Variants in INSR observed in about 807,000 individuals in gnomAD.
INSR encodes insulin receptor, also known as IR.
A neutral mutation model predicts 142.6 loss-of-function variants in INSR; 67 were observed. The ratio of observed to expected loss-of-function variants is 0.47; its 90% CI spans 0.39 to 0.58. The LOEUF is 0.58. Among genes scored for constraint, INSR ranks in the 20% least tolerant of loss-of-function variants. The pLI, the probability that INSR is intolerant of heterozygous loss-of-function variation, is 0.00. For synonymous variants in INSR, 756 were observed against 743.1 expected (o/e 1.02, Z -0.28); for missense variants, 1,248 against 1,833.2 (o/e 0.68, Z 5.83).
intron 1 of INSR, among the ~76,000 whole-genome samples, chr19:7,277,661 G>A (rs1968100981): frequency 6.6e-6 from 1 of 152,090 alleles, no homozygotes; most frequent in Admixed American, 6.6e-5. Context: ...GCCAGGCGTG[G>A]TGAGGCGCGT....
chr19:7,138,924 T>C (rs1973002528), intron 13 of INSR, among the ~76,000 whole-genome samples: 1 of 152,150 alleles, frequency 6.6e-6, no homozygotes, highest in Non-Finnish European at 1.5e-5. Flanking sequence ...ACTTTCTGTG[T>C]CTATGAGACT....
At chr19:7,234,983 G>T (rs1035681123) in intron 2 of INSR, among the ~76,000 whole-genome samples, 12 of 151,942 alleles carry the variant, frequency 7.9e-5, no homozygotes, top group African/African-American at 2.7e-4. Context: ...GCGTGAACCC[G>T]GGAGGCGGAG....
At chr19:7,220,683 C>CA (rs1975585662) in intron 2 of INSR, among the ~76,000 whole-genome samples, 1 of 152,168 alleles carries the variant, frequency 6.6e-6, no homozygotes, top group Admixed American at 6.6e-5. Flanking sequence ...ATATGTTATG[C>CA]AGTGACCAAG....
chr19:7,113,995 A>G lies in INSR; in HGVS notation c.*3061T>C, dbSNP rs1241749476. On this transcript the variant is annotated 3_prime_UTR_variant, in exon 22 of 22. Transcript: ENST00000302850. ...TATCAAAGCTGCACAAGGTCCAATA[A>G]TATCAGCTTGAGGTCAGTCAAACCC... 6.7e-6 allele frequency: 1 copy of G among 150,260 alleles called. No individual in the cohort carries two copies. The highest frequency in any genetic ancestry group is 1.5e-5 in the Non-Finnish European group (1 of 67,764). 9.3% of individuals were successfully genotyped at this position (150,260 alleles called of 1,614,324 possible). A position where few individuals can be genotyped will look rare whatever the true frequency, so the allele number is the denominator to read the frequency against.
At position 7,150,037 on chromosome 19, in the gene INSR, T is replaced by C. The variant is rs571219112; in HGVS notation, c.2267+460A>G. Among the ~76,000 whole-genome samples the C allele has an allele frequency of 6.6e-6, 1 of 152,038 alleles. No individual in the cohort carries two copies. Among genetic ancestry groups the C allele is most frequent in the Non-Finnish European group, 1.5e-5 (1 of 68,006 alleles). On this transcript the variant is annotated intron_variant, in intron 11 of 21. Transcript: ENST00000302850. The surrounding 1 kb of genome is among the most constrained non-coding windows in gnomAD (Gnocchi z 4.2). ...AATTCAGTGAGCGACACGGTGTTCT[T>C]TTGTTCATACCCTGTCGCCCTTTCA...
chr19:7,209,099 G>A (rs1044221603), intron 2 of INSR, among the ~76,000 whole-genome samples: 1 of 152,148 alleles, frequency 6.6e-6, no homozygotes, highest in African/African-American at 2.4e-5. Context: ...GGCAGAGGTT[G>A]CAGTGAGCCA....
chr19:7,163,063 A>G lies in INSR; in HGVS notation c.1998T>C (p.Ser666=). ...LVFWERQAED[S]ELFELDYCLK... The stretch of plus-strand genomic sequence containing the variant: ...GGCAATAATCCAGCTCGAACAGCTC[A>G]CTGTCTTCCGCCTGCCTCTCCCAGA... The change falls in exon 9 of 22, where the codon AGT becomes AGC. Residue 666 remains serine, a synonymous_variant. Transcript: ENST00000302850. The G allele has an allele frequency of 6.2e-7, 1 of 1,613,478 alleles. No homozygotes were observed.
At chr19:7,191,427 G>A (rs1263491593) in intron 2 of INSR, among the ~76,000 whole-genome samples, 2 of 152,070 alleles carry the variant, frequency 1.3e-5, no homozygotes, top group Admixed American at 6.6e-5. Context: ...TAGCTGAGTG[G>A]GAGTCCTCTA....
rs1398432038 is a variant in INSR at position 7,168,913 on chromosome 19, C to T, written c.1484-819G>A. ...GCCACCATGCCCAGCCCTTGCACTA[C>T]ATTTTGACATAAGTAACTAACTCCC... On this transcript the variant is annotated intron_variant, in intron 6 of 21. Coordinates refer to ENST00000302850, the MANE Select transcript of INSR (RefSeq NM_000208.4). This position sits in a 1 kb window ranked among gnomAD's most constrained non-coding sequence, Gnocchi z 4.3. Among the ~76,000 whole-genome samples, 1 of 152,154 alleles carries T rather than the reference C, an allele frequency of 6.6e-6. No homozygotes were observed. Among genetic ancestry groups the T allele is most frequent in the Non-Finnish European group, 1.5e-5 (1 of 68,020 alleles).
At chr19:7,169,141 C>A (rs1240510762) in intron 6 of INSR, among the ~76,000 whole-genome samples, 3 of 152,204 alleles carry the variant, frequency 2.0e-5, no homozygotes, top group Non-Finnish European at 4.4e-5. Context: ...AACTTCCCTG[C>A]AGACAACCGT....
chr19:7,219,520 A>AC (rs1568493995), intron 2 of INSR, among the ~76,000 whole-genome samples: 39 of 49,152 alleles, frequency 7.9e-4, no homozygotes, highest in Non-Finnish European at 1.4e-3. Flanking sequence ...AACGAAGGAA[A>AC]GAAGGAAGGA....
intron 1 of INSR, among the ~76,000 whole-genome samples, chr19:7,283,362 G>A (rs563162610): frequency 1.1e-4 from 17 of 152,214 alleles, no homozygotes; most frequent in Admixed American, 7.9e-4. Context: ...CGGTTTCCAC[G>A]CAGATGAAAA....
chr19:7,192,311 A>AGAAAAGAAAAG lies in INSR; in HGVS notation c.653-7675_653-7674insCTTTTCTTTTC, dbSNP rs979443731. Among the ~76,000 whole-genome samples, 4 of 147,942 alleles carry AGAAAAGAAAAG rather than the reference A, an allele frequency of 2.7e-5. No individual in the cohort carries two copies. In the East Asian group the frequency reaches 8.0e-4, roughly 30 times the overall value. ...AGAAAAGAAAAGAAAAGAAAAGAAA[A>AGAAAAGAAAAG]AAATCACAGGCAGCCCAGGCTGGGG... On this transcript the variant is annotated intron_variant, in intron 2 of 21. Coordinates refer to ENST00000302850, the MANE Select transcript of INSR (RefSeq NM_000208.4). The surrounding 1 kb of genome is among the most constrained non-coding windows in gnomAD (Gnocchi z 4.2).
In INSR at chr19:7,172,702, C is replaced by G. The variant is rs566496313; in HGVS notation, c.1124-268G>C. ...TCCTTGGCTTGTTCCATCATCATCT[C>G]AAACCCTCCTTTCCCATACCAGAGA... On this transcript the variant is annotated intron_variant, in intron 4 of 21. Transcript: ENST00000302850. Among the ~76,000 whole-genome samples the G allele has an allele frequency of 4.6e-5, 7 of 152,186 alleles. No individual in the cohort carries two copies. The East Asian group carries it at 1.4e-3, about 29-fold the overall frequency.
intron 9 of INSR, among the ~76,000 whole-genome samples, chr19:7,158,433 G>A (rs534990678): frequency 1.4e-4 from 21 of 152,176 alleles, no homozygotes; most frequent in Admixed American, 4.6e-4. Context: ...CCCGGGAGGC[G>A]GAGCTTGCAG....
chr19:7,255,555 T>C (rs192625633), intron 2 of INSR, among the ~76,000 whole-genome samples: 25 of 148,298 alleles, frequency 1.7e-4, no homozygotes, highest in African/African-American at 3.2e-4. Flanking sequence ...TCTTTCTTTC[T>C]TTCCTTCCTT....
intron 1 of INSR, among the ~76,000 whole-genome samples, chr19:7,293,162 C>T (rs1968542732): frequency 6.6e-6 from 1 of 152,184 alleles, no homozygotes; most frequent in South Asian, 2.1e-4. Flanking sequence ...AAAACCGCCA[C>T]TACTTCTGCT....
intron 1 of INSR, among the ~76,000 whole-genome samples, chr19:7,270,173 C>T (rs776243090): frequency 6.6e-6 from 1 of 152,112 alleles, no homozygotes; most frequent in African/African-American, 2.4e-5. Flanking sequence ...TGATCCTGAT[C>T]TCCTGACCTC....
At chr19:7,188,257 A>G (rs888693946) in intron 2 of INSR, among the ~76,000 whole-genome samples, 2 of 152,058 alleles carry the variant, frequency 1.3e-5, no homozygotes, top group Non-Finnish European at 2.9e-5. Flanking sequence ...CTTGAAAATT[A>G]TCTTGGGGCT....
Sources: allele counts gnomAD v4.1 joint callset (sites outside exome capture counted in the v4.1 genomes callset), GRCh38; gene constraint gnomAD v4.1.1; non-coding constraint Gnocchi (gnomAD v3.1); transcripts MANE v1.5; gene names NCBI Gene and HGNC (gene_info 2026-07-23, HGNC 2026-07-21).